The following GRAMD4 variants were observed in gnomAD, a reference collection of about 807,000 sequenced individuals.
GRAMD4 encodes the protein GRAM domain-containing protein 4.
Under a neutral mutation model 83.9 loss-of-function variants are expected in GRAMD4, and 25 were observed. The observed-to-expected ratio is 0.30, with a 90% CI of 0.22 to 0.42. GRAMD4 has a LOEUF of 0.42. Among genes scored for constraint, GRAMD4 ranks in the 10% least tolerant of loss-of-function variants. The pLI is 1.00. For missense variants in GRAMD4, 593 were observed against 788.7 expected (o/e 0.75, Z 2.97); for synonymous variants, 336 against 320.9 (o/e 1.05, Z -0.50).
In GRAMD4 at chr22:46,673,797, A is replaced by G; in HGVS notation, c.1367A>G (p.Asn456Ser). Reference protein sequence around the residue: ...NFHEIFNLTENERPLAVCENG... With the variant: ...NFHEIFNLTESERPLAVCENG... ...CACGAGATCTTCAATCTGACAGAAA[A>G]CGAGCGTCCGCTGGCGGGTATGTGT... The change falls in exon 15 of 19, where the codon AAC becomes AGC. Residue 456 changes from asparagine (N) to serine (S), a missense_variant. Physicochemically the swap from Asn to Ser is conservative, Grantham distance 46 (BLOSUM62 1). Around this residue, in one of 4 missense-constraint regions of GRAMD4, gnomAD observed 171 missense variants for 199.6 expected, o/e 0.86. Coordinates refer to ENST00000406902, the MANE Select transcript of GRAMD4 (RefSeq NM_015124.5). 2 of 1,613,040 alleles carry G rather than the reference A, an allele frequency of 1.2e-6. No homozygotes were observed. Among genetic ancestry groups the G allele is most frequent in the Non-Finnish European group, 1.7e-6 (2 of 1,179,966 alleles).
rs778685209 is a variant in GRAMD4 at position 46,626,834 on chromosome 22, G to A, written c.35G>A (p.Gly12Asp). ...LRRLDKIRFR[G>D]HKRDDFLDLA... ...AGGTTGGACAAAATCAGGTTCAGAG[G>A]TCACAAGAGAGATGACTTCCTCGAT... The change falls in exon 2 of 19, where the codon GGT (glycine) becomes GAT (aspartate). Residue 12 changes from glycine to aspartate, a missense_variant. By Grantham distance (94) the Gly-to-Asp change is moderately conservative. Transcript: ENST00000406902. 1.2e-6 allele frequency: 2 copies of A among 1,613,758 alleles called. No individual in the cohort carries two copies. The highest frequency in any genetic ancestry group is 3.3e-5 in the Admixed American group (2 of 60,006).
At position 46,657,821 on chromosome 22, in the gene GRAMD4, T is replaced by A. The variant is rs2542044; in HGVS notation, c.284-366T>A. Among the ~76,000 whole-genome samples the A allele has an allele frequency of 4.6e-5, 7 of 152,150 alleles. No individual in the cohort carries two copies. In the South Asian group the frequency reaches 1.2e-3, roughly 27 times the overall value. ...GTGGGTGTGGTGGGCTGGCCAGGTG[T>A]GGTCAGCGTCCTTTCCGCAGGTGTC... On this transcript the variant is annotated intron_variant, in intron 3 of 18. Coordinates refer to ENST00000406902, the MANE Select transcript of GRAMD4 (RefSeq NM_015124.5).
chr22:46,625,207 C>T (rs1332779390), intron 1 of GRAMD4, among the ~76,000 whole-genome samples: 2 of 152,204 alleles, frequency 1.3e-5, no homozygotes, highest in South Asian at 2.1e-4. Context: ...CTCAAGTGCC[C>T]ATCCCAGGAG....
chr22:46,617,776 C>T (rs1231026538), upstream of GRAMD4, among the ~76,000 whole-genome samples: 1 of 152,162 alleles, frequency 6.6e-6, no homozygotes, highest in Non-Finnish European at 1.5e-5. Flanking sequence ...CTCCCTGGCC[C>T]CCCTGGGTGG....
intron 1 of GRAMD4, among the ~76,000 whole-genome samples, chr22:46,578,479 G>T (rs1417523179): frequency 1.3e-5 from 2 of 152,206 alleles, no homozygotes; most frequent in Admixed American, 1.3e-4. Flanking sequence ...ATCGAATGGG[G>T]TGATGTGGGC....
At chr22:46,666,739 G>T (rs1430469211) in intron 9 of GRAMD4, 86 bp from the exon 10 acceptor site, 12 of 1,162,566 alleles carry the variant, frequency 1.0e-5, no homozygotes, top group East Asian at 2.4e-5. Context: ...TCCAAGCCCA[G>T]CTGGGCGTGC....
intron 1 of GRAMD4, among the ~76,000 whole-genome samples, chr22:46,613,163 G>C (rs1479553642): frequency 6.6e-6 from 1 of 152,224 alleles, no homozygotes. Flanking sequence ...CTGTGTTTTT[G>C]CTGTCGTTAC....
intron 1 of GRAMD4, among the ~76,000 whole-genome samples, chr22:46,589,973 C>T (rs2081190689): frequency 3.9e-5 from 6 of 152,240 alleles, no homozygotes; most frequent in Admixed American, 3.3e-4. Context: ...CTGGTTCCTG[C>T]GGCATGTATT....
intron 3 of GRAMD4, among the ~76,000 whole-genome samples, chr22:46,641,451 G>A (rs1028789248): frequency 2.0e-5 from 3 of 152,208 alleles, no homozygotes; most frequent in Non-Finnish European, 4.4e-5. Flanking sequence ...TGAGGTCTCA[G>A]ATTGCTTTGC....
In GRAMD4 at chr22:46,678,882, G is replaced by A. The variant is rs757738173; in HGVS notation, c.*1631G>A. The stretch of plus-strand genomic sequence containing the variant: ...ATTAAGCACATGTCCTATCCCAGGC[G>A]GTGGAGCGGAGCCCCCGTGGCTCTG... On this transcript the variant is annotated 3_prime_UTR_variant, in exon 19 of 19. Coordinates refer to ENST00000406902, the MANE Select transcript of GRAMD4 (RefSeq NM_015124.5). 9.9e-5 allele frequency: 98 copies of A among 985,904 alleles called. No homozygotes were observed. Among genetic ancestry groups the A allele is most frequent in the Admixed American group, 2.5e-4 (4 of 16,288 alleles). 61.1% of individuals were successfully genotyped at this position (985,904 alleles called of 1,614,324 possible).
intron 3 of GRAMD4, among the ~76,000 whole-genome samples, chr22:46,654,520 G>T (rs748137623): frequency 1.3e-5 from 2 of 152,370 alleles, no homozygotes; most frequent in Non-Finnish European, 2.9e-5. Flanking sequence ...AGGGCGGGGG[G>T]CTGGGGGCTC....
chr22:46,613,729 G>T (rs1025649803), intron 1 of GRAMD4, among the ~76,000 whole-genome samples: 1 of 152,172 alleles, frequency 6.6e-6, no homozygotes, highest in African/African-American at 2.4e-5. Context: ...TCAGAGATGG[G>T]CCCACCCCAC....
chr22:46,660,638 G>A (rs1472501706), intron 4 of GRAMD4, among the ~76,000 whole-genome samples: 2 of 152,202 alleles, frequency 1.3e-5, no homozygotes, highest in Non-Finnish European at 2.9e-5. Flanking sequence ...AGTAGGCAGA[G>A]ATTCTCTCCA....
At chr22:46,665,334 C>T (rs1322435016) in intron 8 of GRAMD4, among the ~76,000 whole-genome samples, 2 of 152,232 alleles carry the variant, frequency 1.3e-5, no homozygotes, top group African/African-American at 2.4e-5. Context: ...GGAGCCACAC[C>T]GGGGCAGGCA....
rs1241326023 is a variant in GRAMD4, at chr22:46,661,373, T to A, written c.405-8T>A. ...GACCTCTTGTCTCTTCTCTCCCTGC[T>A]TTTTAAGAACCGAGGAGCAGATGGC... On this transcript the variant is annotated splice_polypyrimidine_tract_variant and splice_region_variant and intron_variant, in intron 4 of 18. Coordinates refer to ENST00000406902, the MANE Select transcript of GRAMD4 (RefSeq NM_015124.5). 6.2e-7 allele frequency: 1 copy of A among 1,611,586 alleles called. No individual in the cohort carries two copies. Among genetic ancestry groups the A allele is most frequent in the East Asian group, 2.2e-5 (1 of 44,888 alleles).
At chr22:46,638,097 A>G in intron 3 of GRAMD4, 137 bp downstream of exon 3, 2 of 919,486 alleles carry the variant, frequency 2.2e-6, no homozygotes, top group Non-Finnish European at 1.7e-6. Flanking sequence ...AGCCCTGGGC[A>G]GCTGTGGCTC....
chr22:46,626,838 C>T lies in GRAMD4; in HGVS notation c.39C>T (p.His13=). 1 of 1,613,732 alleles carries T rather than the reference C, an allele frequency of 6.2e-7. No individual in the cohort carries two copies. The highest frequency in any genetic ancestry group is 8.5e-7 in the Non-Finnish European group (1 of 1,179,618). Residue 13 remains histidine, a synonymous_variant, in exon 2 of 19, where the codon CAC becomes CAT. Coordinates refer to ENST00000406902, the MANE Select transcript of GRAMD4 (RefSeq NM_015124.5). ...TGGACAAAATCAGGTTCAGAGGTCA[C>T]AAGAGAGATGACTTCCTCGATCTAG... ...RRLDKIRFRG[H]KRDDFLDLAE... is the part of the protein sequence containing the mutation.
At chr22:46,617,368 G>A (rs1453297727), upstream of GRAMD4, among the ~76,000 whole-genome samples, 5 of 150,594 alleles carry the variant, frequency 3.3e-5, no homozygotes, top group African/African-American at 1.2e-4. Flanking sequence ...TCCCATGTGT[G>A]CGGGTTCCCC....
At position 46,678,762 on chromosome 22, in the gene GRAMD4, C is replaced by T. The variant is rs2082635266; in HGVS notation, c.*1511C>T. 1.2e-5 allele frequency: 12 copies of T among 985,852 alleles called. No homozygotes were observed. The highest frequency in any genetic ancestry group is 3.5e-5 in the African/African-American group (2 of 57,226). The allele number at this position is 985,852 out of a possible 1,614,324, so 61.1% of individuals were successfully genotyped here. ...CATTTGCTGGTGTGGGTGAGGGATC[C>T]GGCGGCATGGGCTGGTTTCACCCCC... On this transcript the variant is annotated 3_prime_UTR_variant, in exon 19 of 19. Coordinates refer to ENST00000406902, the MANE Select transcript of GRAMD4 (RefSeq NM_015124.5).
Sources: gnomAD v4.1 joint callset for allele counts (sites outside exome capture counted in the v4.1 genomes callset) on GRCh38, gnomAD v4.1.1 for gene constraint, gnomAD v4.1.1 regional missense constraint, MANE v1.5 for transcripts, NCBI Gene and HGNC (gene_info 2026-07-23, HGNC 2026-07-21) for gene names.